TMEM135: variants seen among roughly 807,000 people sequenced by gnomAD.
The protein encoded by TMEM135 is transmembrane protein 135, also known as peroxisomal membrane protein 52.
TMEM135 carries 30 observed loss-of-function variants against 60.3 expected under a neutral mutation model. That is an observed-to-expected ratio of 0.50 (90% CI 0.37 to 0.68). TMEM135 has a LOEUF of 0.68. TMEM135 is among the 30% of genes least tolerant of loss of function. TMEM135 has a pLI of 0.00. For missense variants in TMEM135, 468 were observed against 548.8 expected (o/e 0.85, Z 1.47); for synonymous variants, 190 against 186.7 (o/e 1.02, Z -0.14).
At chr11:87,120,504 C>A (rs1398420301) in intron 4 of TMEM135, among the ~76,000 whole-genome samples, 1 of 119,776 alleles carries the variant, frequency 8.3e-6, no homozygotes, top group Non-Finnish European at 1.6e-5. Flanking sequence ...CAGAGTTTCG[C>A]TCTGTCACCC....
At chr11:87,054,232 C>G (rs960684702) in intron 1 of TMEM135, among the ~76,000 whole-genome samples, 2 of 151,824 alleles carry the variant, frequency 1.3e-5, no homozygotes, top group African/African-American at 4.8e-5. Flanking sequence ...GTCAGGAGTT[C>G]GAGACCAGCC....
rs1942858795 is a variant in TMEM135 at position 87,323,310 on chromosome 11, T to C, written c.*1977T>C. On this transcript the variant is annotated 3_prime_UTR_variant, in exon 15 of 15. Transcript: ENST00000305494. Reference sequence around the variant, plus strand: ...ATGAAGCAGAATACAATGATGAATGTATAGGTTGAGTGAATAACCAATTTG... The same window carrying C: ...ATGAAGCAGAATACAATGATGAATGCATAGGTTGAGTGAATAACCAATTTG... The C allele has an allele frequency of 2.2e-6, 1 of 453,876 alleles. No individual in the cohort carries two copies. Among genetic ancestry groups the C allele is most frequent in the African/African-American group, 2.0e-5 (1 of 49,988 alleles). 28.1% of individuals were successfully genotyped at this position (453,876 alleles called of 1,614,324 possible).
intron 6 of TMEM135, among the ~76,000 whole-genome samples, chr11:87,273,227 C>T (rs1941902361): frequency 6.6e-6 from 1 of 152,098 alleles, no homozygotes; most frequent in Non-Finnish European, 1.5e-5. Context: ...CAATTCTGGA[C>T]AAGACACTTT....
chr11:87,044,062 C>T (rs1245729698), intron 1 of TMEM135, among the ~76,000 whole-genome samples: 5 of 152,042 alleles, frequency 3.3e-5, no homozygotes, highest in Non-Finnish European at 7.3e-5. Context: ...TTTTCACTGA[C>T]CTTTAGATGT....
intron 4 of TMEM135, among the ~76,000 whole-genome samples, chr11:87,154,381 T>C (rs1251810333): frequency 1.3e-5 from 2 of 152,238 alleles, no homozygotes; most frequent in Non-Finnish European, 2.9e-5. Context: ...ATTTATTCAT[T>C]GATGGACACT....
chr11:87,306,706 A>G (rs1031726761), intron 9 of TMEM135, among the ~76,000 whole-genome samples: 16 of 151,966 alleles, frequency 1.1e-4, no homozygotes, highest in Non-Finnish European at 2.4e-4. Context: ...ACCTGCTGCA[A>G]GTTCTTTAGT....
At chr11:87,146,479 C>G (rs1036383928) in intron 4 of TMEM135, among the ~76,000 whole-genome samples, 8 of 152,042 alleles carry the variant, frequency 5.3e-5, no homozygotes, top group Non-Finnish European at 1.2e-4. Context: ...TGGCCTTAAG[C>G]GATCCTCCTA....
chr11:87,156,526 A>T (rs1321158157), intron 4 of TMEM135, among the ~76,000 whole-genome samples: 1 of 152,018 alleles, frequency 6.6e-6, no homozygotes, highest in Non-Finnish European at 1.5e-5. Flanking sequence ...GTCTTCTTCA[A>T]TTTCTTTCAG....
intron 4 of TMEM135, among the ~76,000 whole-genome samples, chr11:87,155,254 C>T (rs1938662418): frequency 6.6e-6 from 1 of 152,240 alleles, no homozygotes; most frequent in African/African-American, 2.4e-5. Flanking sequence ...CCGCCTCGGC[C>T]TCTCAAACTG....
rs564033101 is a variant in TMEM135 at position 87,198,197 on chromosome 11, A to C, written c.463-38441A>C. On this transcript the variant is annotated intron_variant, in intron 5 of 14. Coordinates refer to ENST00000305494, the MANE Select transcript of TMEM135 (RefSeq NM_022918.4). Reference sequence around the variant, plus strand: ...ACCATCCTCCTCAGTTCTATTCTTTATGTACATGAGATTAAAGTTTTTTAG... The same window carrying C: ...ACCATCCTCCTCAGTTCTATTCTTTCTGTACATGAGATTAAAGTTTTTTAG... Among the ~76,000 whole-genome samples the C allele has an allele frequency of 9.9e-5, 15 of 152,264 alleles. 2 individuals are homozygous for C. The South Asian group carries it at 2.7e-3, about 27-fold the overall frequency.
chr11:87,245,415 T>G (rs1941244095), intron 6 of TMEM135, among the ~76,000 whole-genome samples: 1 of 96,020 alleles, frequency 1.0e-5, no homozygotes, highest in Admixed American at 9.5e-5. Flanking sequence ...TTGTTAACTT[T>G]CTGACTCGCT....
chr11:87,187,207 G>A (rs1271929305), intron 5 of TMEM135, among the ~76,000 whole-genome samples: 1 of 152,150 alleles, frequency 6.6e-6, no homozygotes, highest in African/African-American at 2.4e-5. Flanking sequence ...CCCACAGAGG[G>A]TTAGCTTGAA....
intron 1 of TMEM135, among the ~76,000 whole-genome samples, chr11:87,059,285 T>C (rs1481618762): frequency 6.6e-6 from 1 of 151,572 alleles, no homozygotes; most frequent in Non-Finnish European, 1.5e-5. Context: ...AATATCCTAC[T>C]TTAGTTCTGT....
Position 87,178,615 on chromosome 11 carries a change from G to A in TMEM135, c.462+21209G>A, listed in dbSNP as rs770241657. On this transcript the variant is annotated intron_variant, in intron 5 of 14. Coordinates refer to ENST00000305494, the MANE Select transcript of TMEM135 (RefSeq NM_022918.4). ...TAATTTTTGTATTTTTAGTAGAGAC[G>A]GGATTTCACCATGTTGGCCAGGTAA... 58 of 413,462 alleles carry A rather than the reference G, an allele frequency of 1.4e-4. 1 individual carries two copies. The highest frequency in any genetic ancestry group is 6.2e-4 in the South Asian group (35 of 56,894). The allele number at this position is 413,462 out of a possible 1,614,324, so 25.6% of individuals were successfully genotyped here. A position where few individuals can be genotyped will look rare whatever the true frequency, so the allele number is the denominator to read the frequency against.
Position 87,112,473 on chromosome 11 carries a change from T to C in TMEM135, c.396+21078T>C, listed in dbSNP as rs528636878. ...TCTTTTATTGTGATATCCATGGCTA[T>C]GGTTTATTATAATATTTAGTAATTT... On this transcript the variant is annotated intron_variant, in intron 4 of 14. Coordinates refer to ENST00000305494, the MANE Select transcript of TMEM135 (RefSeq NM_022918.4). Among the ~76,000 whole-genome samples the C allele has an allele frequency of 2.0e-5, 3 of 152,276 alleles. No individual in the cohort carries two copies. In the South Asian group the frequency reaches 6.2e-4, roughly 32 times the overall value.
intron 1 of TMEM135, among the ~76,000 whole-genome samples, chr11:87,061,339 G>A (rs1451310990): frequency 6.6e-6 from 1 of 152,128 alleles, no homozygotes. Flanking sequence ...AGAAAGTAGA[G>A]GGCAGGGATG....
chr11:87,325,223 T>C lies in TMEM135; in HGVS notation c.*3890T>C, dbSNP rs1403897498. On this transcript the variant is annotated 3_prime_UTR_variant, in exon 15 of 15. Transcript: ENST00000305494. ...CTCAGGTGACTTTGTAATAGCCCTG[T>C]AGTTGCAAAAAGGGTAACTACAAAG... 2.2e-6 allele frequency: 1 copy of C among 453,998 alleles called. No homozygotes were observed. Among genetic ancestry groups the C allele is most frequent in the Non-Finnish European group, 4.4e-6 (1 of 226,758 alleles). 28.1% of individuals were successfully genotyped at this position (453,998 alleles called of 1,614,324 possible).
At chr11:87,273,163 G>T (rs139078233) in intron 6 of TMEM135, among the ~76,000 whole-genome samples, 2 of 152,106 alleles carry the variant, frequency 1.3e-5, no homozygotes, top group African/African-American at 4.8e-5. Context: ...TAGAATGTAG[G>T]ATTTAGATTA....
At position 87,318,337 on chromosome 11, in the gene TMEM135, G is replaced by C. The variant is rs577925396; in HGVS notation, c.1176+102G>C. On this transcript the variant is annotated intron_variant, in intron 13 of 14. Transcript: ENST00000305494. Reference sequence around the variant, plus strand: ...AACTCTGGGAACATTTCTATTTACAGTATTACATTTTAAGCTTCTTTTTTG... The same window carrying C: ...AACTCTGGGAACATTTCTATTTACACTATTACATTTTAAGCTTCTTTTTTG... The C allele has an allele frequency of 3.3e-4, 283 of 858,222 alleles. No homozygotes were observed. The African/African-American group carries it at 4.6e-3, about 14-fold the overall frequency. 53.2% of individuals were successfully genotyped at this position (858,222 alleles called of 1,614,324 possible).
Sources: allele counts gnomAD v4.1 joint callset (sites outside exome capture counted in the v4.1 genomes callset), GRCh38; gene constraint gnomAD v4.1.1; transcripts MANE v1.5; gene names NCBI Gene and HGNC (gene_info 2026-07-23, HGNC 2026-07-21).